Variants in HSPA14 observed in about 807,000 individuals in gnomAD.
HSPA14 encodes heat shock protein family A (Hsp70) member 14.
In HSPA14, 37 loss-of-function variants were observed where a neutral mutation model predicts 65.5. The observed-to-expected ratio is 0.56, with a 90% CI of 0.43 to 0.74. The LOEUF (loss-of-function observed/expected upper bound fraction) is 0.74, where lower values mean the gene tolerates loss of function less well. HSPA14 is among the 30% of genes least tolerant of loss of function. The pLI, the probability that HSPA14 is intolerant of heterozygous loss-of-function variation, is 0.00. For missense variants in HSPA14, 564 were observed against 607.6 expected, an observed-to-expected ratio of 0.93 and a Z score of 0.75; for synonymous variants, 203 against 214.2, an observed-to-expected ratio of 0.95 and a Z score of 0.46.
At chr10:14,838,703 G>C in intron 1 of HSPA14, 1 of 475,052 alleles carries the variant, frequency 2.1e-6, no homozygotes, top group Non-Finnish European at 3.7e-6. Context: ...GTCCCAGGGC[G>C]TCATGGCGGC....
rs1007959580 is a variant in HSPA14 at position 14,842,567 on chromosome 10, A to G, written c.221+2410A>G. ...GCCACCACACTGTCCATTTTATGAT[A>G]CGTTGGATCAGCTTCTCCGAAATCA... On this transcript the variant is annotated intron_variant, in intron 3 of 13. Coordinates refer to ENST00000378372, the MANE Select transcript of HSPA14 (RefSeq NM_016299.4). This position sits in a 1 kb window ranked among gnomAD's most constrained non-coding sequence, Gnocchi z 5.2. 1.3e-6 allele frequency: 2 copies of G among 1,536,010 alleles called. No individual in the cohort carries two copies. Among genetic ancestry groups the G allele is most frequent in the African/African-American group, 2.7e-5 (2 of 73,038 alleles).
intron 11 of HSPA14, among the ~76,000 whole-genome samples, chr10:14,867,517 TA>T: frequency 6.6e-6 from 1 of 152,284 alleles, no homozygotes; most frequent in Middle Eastern, 3.4e-3. Context: ...TTTAGAAAAA[TA>T]AAAGTTAGGT....
chr10:14,848,217 T>TA (rs1322610086), intron 3 of HSPA14, among the ~76,000 whole-genome samples: 3 of 152,220 alleles, frequency 2.0e-5, no homozygotes, highest in African/African-American at 7.2e-5. Flanking sequence ...AAGATGGTCT[T>TA]AGCTAGTTTG....
Position 14,848,901 on chromosome 10 carries a change from T to C in HSPA14, c.376+6T>C. The C allele has an allele frequency of 7.4e-7, 1 of 1,353,496 alleles. No homozygotes were observed. The highest frequency in any genetic ancestry group is 1.0e-6 in the Non-Finnish European group (1 of 959,756). The allele number at this position is 1,353,496 out of a possible 1,614,324, so 83.8% of individuals were successfully genotyped here. A position where few individuals can be genotyped will look rare whatever the true frequency, so the allele number is the denominator to read the frequency against. Reference sequence around the variant, plus strand: ...GATATTTAGTAAAATGAAAGGTATTTAGCAAAAGATATATAATAGTTACCT... The same window carrying C: ...GATATTTAGTAAAATGAAAGGTATTCAGCAAAAGATATATAATAGTTACCT... On this transcript the variant is annotated splice_donor_region_variant and intron_variant, in intron 5 of 13. Transcript: ENST00000378372.
intron 1 of HSPA14, among the ~76,000 whole-genome samples, chr10:14,839,565 C>T (rs1833942625): frequency 6.8e-6 from 1 of 146,528 alleles, no homozygotes; most frequent in African/African-American, 2.5e-5. Flanking sequence ...AGCAAGACTC[C>T]GTGTCCAAAA....
At chr10:14,841,874 C>G (rs1297121534) in intron 3 of HSPA14, among the ~76,000 whole-genome samples, 2 of 152,190 alleles carry the variant, frequency 1.3e-5, no homozygotes, top group Non-Finnish European at 2.9e-5. Flanking sequence ...CCCTCCCAGC[C>G]CATCTACTCA....
At chr10:14,866,639 G>C (rs978448204) in intron 10 of HSPA14, among the ~76,000 whole-genome samples, 1 of 152,058 alleles carries the variant, frequency 6.6e-6, no homozygotes, top group Admixed American at 6.6e-5. Flanking sequence ...CCATGGTAAA[G>C]GCAAATAAGT....
intron 12 of HSPA14, among the ~76,000 whole-genome samples, chr10:14,868,845 T>A (rs1210165613): frequency 6.6e-6 from 1 of 152,204 alleles, no homozygotes; most frequent in Admixed American, 6.5e-5. Context: ...TGTACTGTTT[T>A]TTTTGTTTTT....
At chr10:14,857,546 C>T (rs1191394364) in intron 10 of HSPA14, among the ~76,000 whole-genome samples, 1 of 152,042 alleles carries the variant, frequency 6.6e-6, no homozygotes, top group East Asian at 1.9e-4. Context: ...TTTTGTTTCT[C>T]CTTGTGTGTA....
intron 3 of HSPA14, among the ~76,000 whole-genome samples, chr10:14,847,902 ATAG>A (rs1454658072): frequency 6.6e-6 from 1 of 152,178 alleles, no homozygotes; most frequent in African/African-American, 2.4e-5. Context: ...AGTATGAATA[ATAG>A]TAGCGTGATA....
chr10:14,860,250 T>G (rs1363670653), intron 10 of HSPA14, among the ~76,000 whole-genome samples: 1 of 152,222 alleles, frequency 6.6e-6, no homozygotes, highest in Non-Finnish European at 1.5e-5. Context: ...CATTCAAACT[T>G]ATTTACTGAT....
At chr10:14,850,269 CAA>C (rs200743230) in intron 6 of HSPA14, among the ~76,000 whole-genome samples, 3 of 105,038 alleles carry the variant, frequency 2.9e-5, no homozygotes, top group Non-Finnish European at 4.5e-5. Flanking sequence ...GACTTCGTCT[CAA>C]AAAAAAAAAA....
intron 10 of HSPA14, among the ~76,000 whole-genome samples, chr10:14,863,094 C>G (rs1476322907): frequency 1.3e-5 from 2 of 152,140 alleles, no homozygotes; most frequent in Non-Finnish European, 2.9e-5. Flanking sequence ...TATCTTAAAG[C>G]TATATAATGA....
At chr10:14,846,705 A>G (rs1192788493) in intron 3 of HSPA14, 1 of 973,820 alleles carries the variant, frequency 1.0e-6, no homozygotes, top group African/African-American at 1.8e-5. Context: ...AGATGAATGT[A>G]TGAGCACTTT....
chr10:14,861,396 C>A (rs1359313116), intron 10 of HSPA14, among the ~76,000 whole-genome samples: 1 of 152,110 alleles, frequency 6.6e-6, no homozygotes, highest in Non-Finnish European at 1.5e-5. Flanking sequence ...CTCAATGTTA[C>A]ATCACTGCAA....
intron 8 of HSPA14, among the ~76,000 whole-genome samples, 161 bp from the exon 9 acceptor site, chr10:14,853,964 C>T (rs1283260298): frequency 6.6e-6 from 1 of 152,154 alleles, no homozygotes; most frequent in Non-Finnish European, 1.5e-5. Flanking sequence ...AGGTGATCTA[C>T]CCATCTCAGC....
rs1003029235 is a variant in HSPA14 at position 14,871,544 on chromosome 10, G to A, written c.1468G>A (p.Val490Met). Residue 490 changes from valine to methionine, a missense_variant, in exon 14 of 14, where the codon GTG becomes ATG. Physicochemically the swap from Val to Met is conservative, Grantham distance 21 (BLOSUM62 1). Coordinates refer to ENST00000378372, the MANE Select transcript of HSPA14 (RefSeq NM_016299.4). ...TCTGTTTAGGGATGGATCTTTACAT[G>A]TGACATGCACAGATCAAGAAACTGG... is the stretch of plus-strand genomic sequence containing the variant. ...LTMKRDGSLH[V>M]TCTDQETGKC... The A allele has an allele frequency of 6.3e-7, 1 of 1,587,424 alleles. No individual in the cohort carries two copies. Among genetic ancestry groups the A allele is most frequent in the African/African-American group, 1.3e-5 (1 of 74,112 alleles).
intron 3 of HSPA14, chr10:14,846,187 G>T (rs1051169844): frequency 2.0e-6 from 2 of 985,062 alleles, no homozygotes; most frequent in African/African-American, 3.5e-5. Flanking sequence ...ATTCTCAATT[G>T]TCTTAGGCTA....
chr10:14,856,259 A>C (rs1305931416), intron 10 of HSPA14, among the ~76,000 whole-genome samples: 4 of 152,220 alleles, frequency 2.6e-5, no homozygotes, highest in African/African-American at 9.6e-5. Flanking sequence ...TAACTTGTTG[A>C]ATACTCACAA....
Sources: allele counts gnomAD v4.1 joint callset (sites outside exome capture counted in the v4.1 genomes callset), GRCh38; gene constraint gnomAD v4.1.1; non-coding constraint Gnocchi (gnomAD v3.1); transcripts MANE v1.5; gene names NCBI Gene and HGNC (gene_info 2026-07-23, HGNC 2026-07-21).